Variants in FGF12 observed in about 807,000 individuals in gnomAD.
FGF12 encodes fibroblast growth factor 12.
A neutral mutation model predicts 23.6 loss-of-function variants in FGF12; 14 were observed. That is an observed-to-expected ratio of 0.59 (90% CI 0.39 to 0.93). The LOEUF (loss-of-function observed/expected upper bound fraction) is 0.93, where lower values mean the gene tolerates loss of function less well. Ranked by LOEUF, FGF12 falls within the 40% of genes least tolerant of loss-of-function variation. The pLI is 0.00. For synonymous variants in FGF12, 62 were observed against 77.3 expected (o/e 0.80, Z 1.04); for missense variants, 175 against 217.8 (o/e 0.80, Z 1.24).
At chr3:192,679,704 C>A (rs1348927220) in intron 2 of FGF12, among the ~76,000 whole-genome samples, 2 of 152,138 alleles carry the variant, frequency 1.3e-5, no homozygotes, top group Admixed American at 6.5e-5. Context: ...ATCCCGTCCA[C>A]CACTGCCAAC....
At chr3:192,611,519 T>C (rs960164627) in intron 2 of FGF12, among the ~76,000 whole-genome samples, 5 of 152,048 alleles carry the variant, frequency 3.3e-5, no homozygotes, top group Non-Finnish European at 7.4e-5. Context: ...GTATTGAATG[T>C]ATTCTGTAAA....
chr3:192,706,007 G>A (rs529168356), intron 2 of FGF12, among the ~76,000 whole-genome samples: 1 of 152,346 alleles, frequency 6.6e-6, no homozygotes, highest in South Asian at 2.1e-4. Flanking sequence ...TTTAGGTGCT[G>A]TAGACACAAT....
chr3:192,506,986 G>A (rs3933047), intron 2 of FGF12, among the ~76,000 whole-genome samples: 12,643 of 151,170 alleles, frequency 0.084, 611 homozygotes, highest in Admixed American at 0.19. Context: ...CCGCCTCCTG[G>A]GTTCACGCCA....
At chr3:192,313,557 C>CA (rs1224579687) in intron 4 of FGF12, among the ~76,000 whole-genome samples, 1 of 152,224 alleles carries the variant, frequency 6.6e-6, no homozygotes, top group Admixed American at 6.5e-5. Flanking sequence ...GAACACTCAT[C>CA]AAGCAATAAG....
chr3:192,629,901 C>T (rs1253484658), intron 2 of FGF12, among the ~76,000 whole-genome samples: 1 of 152,098 alleles, frequency 6.6e-6, no homozygotes, highest in Non-Finnish European at 1.5e-5. Flanking sequence ...TAACACGCTC[C>T]CTAGGTAATC....
chr3:192,309,225 A>G (rs1027372113), intron 4 of FGF12, among the ~76,000 whole-genome samples: 5 of 152,242 alleles, frequency 3.3e-5, no homozygotes, highest in African/African-American at 1.2e-4. Flanking sequence ...GACTGCTGCT[A>G]TGATTTAGAC....
chr3:192,419,590 T>C (rs945349853), intron 2 of FGF12, among the ~76,000 whole-genome samples: 6 of 152,186 alleles, frequency 3.9e-5, no homozygotes, highest in Non-Finnish European at 7.3e-5. Flanking sequence ...AGACAGGTAT[T>C]CTATAAAATG....
intron 2 of FGF12, among the ~76,000 whole-genome samples, chr3:192,447,095 G>A (rs774615069): frequency 4.9e-4 from 75 of 152,156 alleles, no homozygotes; most frequent in Non-Finnish European, 8.8e-4. Context: ...TAAGACAATC[G>A]CTTATTTATT....
rs1235114425 is a variant in FGF12, at chr3:192,139,928, T to C, written c.*4081A>G. 6.6e-6 allele frequency: 1 copy of C among 152,024 alleles called. No individual in the cohort carries two copies. Among genetic ancestry groups the C allele is most frequent in the African/African-American group, 2.4e-5 (1 of 41,412 alleles). 9.4% of individuals were successfully genotyped at this position (152,024 alleles called of 1,614,324 possible). On this transcript the variant is annotated 3_prime_UTR_variant, in exon 6 of 6. Transcript: ENST00000445105. ...AACATGAAATCTGTATTGGGAAGTA[T>C]AGATTTCTAAGATAACTTTTTGTAA...
At chr3:192,455,288 T>G (rs1722646909) in intron 2 of FGF12, among the ~76,000 whole-genome samples, 1 of 152,210 alleles carries the variant, frequency 6.6e-6, no homozygotes, top group African/African-American at 2.4e-5. Context: ...CTTAGGTTTC[T>G]GATGACTCTG....
At chr3:192,415,716 C>T (rs922988883) in intron 2 of FGF12, among the ~76,000 whole-genome samples, 1 of 130,198 alleles carries the variant, frequency 7.7e-6, no homozygotes, top group African/African-American at 3.0e-5. Flanking sequence ...TCTGATACTT[C>T]TCTTCTCTCT....
chr3:192,292,392 G>T (rs1489417889), intron 4 of FGF12, among the ~76,000 whole-genome samples: 2 of 152,014 alleles, frequency 1.3e-5, no homozygotes, highest in East Asian at 3.9e-4. Flanking sequence ...TTTATAAAGA[G>T]AATTCGTGAT....
chr3:192,180,925 G>A (rs894131816), intron 4 of FGF12, among the ~76,000 whole-genome samples: 1 of 152,174 alleles, frequency 6.6e-6, no homozygotes, highest in Non-Finnish European at 1.5e-5. Context: ...GGACAGCACT[G>A]TGGTTTTGTG....
chr3:192,178,734 A>G (rs1716000689), intron 4 of FGF12, among the ~76,000 whole-genome samples: 1 of 152,110 alleles, frequency 6.6e-6, no homozygotes, highest in Non-Finnish European at 1.5e-5. Flanking sequence ...CTGACCTCAG[A>G]CAATCCGTCC....
intron 2 of FGF12, among the ~76,000 whole-genome samples, chr3:192,437,618 G>A (rs559181250): frequency 6.6e-6 from 1 of 152,154 alleles, no homozygotes; most frequent in East Asian, 1.9e-4. Context: ...TTGAACCCAG[G>A]AGGCGGAGGT....
intron 2 of FGF12, among the ~76,000 whole-genome samples, chr3:192,599,747 T>C (rs2108630010): frequency 6.6e-6 from 1 of 152,194 alleles, no homozygotes; most frequent in East Asian, 1.9e-4. Context: ...TTCATGCAGC[T>C]GTCATTCTAG....
At chr3:192,197,790 T>TA (rs1301687430) in intron 4 of FGF12, among the ~76,000 whole-genome samples, 2 of 151,840 alleles carry the variant, frequency 1.3e-5, no homozygotes, top group Non-Finnish European at 2.9e-5. Context: ...TTTAAAAAAA[T>TA]ACAAAGTTAG....
intron 4 of FGF12, among the ~76,000 whole-genome samples, chr3:192,273,155 T>C (rs1321390238): frequency 2.0e-5 from 3 of 152,132 alleles, no homozygotes; most frequent in African/African-American, 7.2e-5. Flanking sequence ...AATCTCTTCT[T>C]CCAACAAAAG....
chr3:192,618,892 G>A (rs1050948350), intron 2 of FGF12, among the ~76,000 whole-genome samples: 7 of 151,990 alleles, frequency 4.6e-5, no homozygotes, highest in African/African-American at 1.7e-4. Context: ...GACTGGGAAT[G>A]CACAGACAAG....
Sources: gnomAD v4.1 joint callset for allele counts (sites outside exome capture counted in the v4.1 genomes callset) on GRCh38, gnomAD v4.1.1 for gene constraint, MANE v1.5 for transcripts, NCBI Gene and HGNC (gene_info 2026-07-23, HGNC 2026-07-21) for gene names.